Variants in SPEN observed in about 807,000 individuals in gnomAD.
The protein encoded by SPEN is spen family transcriptional repressor, also known as msx2-interacting protein.
Under a neutral mutation model 269.9 loss-of-function variants are expected in SPEN, and 18 were observed. That is an observed-to-expected ratio of 0.07 (90% confidence interval 0.05 to 0.10). SPEN has a LOEUF of 0.10. SPEN is among the 10% of genes least tolerant of loss of function. The pLI is 1.00. For synonymous variants in SPEN, 1,726 were observed against 1,765.7 expected (o/e 0.98, Z 0.56); for missense variants, 3,822 against 4,631.2 (o/e 0.83, Z 5.07).
intron 5 of SPEN, among the ~76,000 whole-genome samples, chr1:15,912,119 G>T (rs531204808): frequency 1.3e-5 from 2 of 152,322 alleles, no homozygotes; most frequent in African/African-American, 4.8e-5. Context: ...CCTTATGGGT[G>T]CAACCCACTG....
intron 1 of SPEN, among the ~76,000 whole-genome samples, chr1:15,859,609 T>A (rs1483903888): frequency 6.6e-6 from 1 of 151,946 alleles, no homozygotes; most frequent in Non-Finnish European, 1.5e-5. Context: ...GACCTTGTGA[T>A]CCGCCCGCCT....
intron 1 of SPEN, among the ~76,000 whole-genome samples, chr1:15,871,476 G>T (rs2070574489): frequency 6.6e-6 from 1 of 151,956 alleles, no homozygotes; most frequent in Non-Finnish European, 1.5e-5. Flanking sequence ...AAGTAGCTGG[G>T]ATTACAGATG....
intron 1 of SPEN, among the ~76,000 whole-genome samples, chr1:15,861,372 C>T (rs1187904458): frequency 6.6e-6 from 1 of 152,038 alleles, no homozygotes; most frequent in African/African-American, 2.4e-5. Context: ...CCTCATGATC[C>T]ACCTACCTCG....
rs941122768 is a variant in SPEN, at chr1:15,939,019, A to G, written c.10863+143A>G. 1.2e-5 allele frequency: 14 copies of G among 1,146,432 alleles called. No individual in the cohort carries two copies. In the African/African-American group the frequency reaches 2.2e-4, roughly 18 times the overall value. 71.0% of individuals were successfully genotyped at this position (1,146,432 alleles called of 1,614,324 possible). On this transcript the variant is annotated intron_variant, in intron 14 of 14. Coordinates refer to ENST00000375759, the MANE Select transcript of SPEN (RefSeq NM_015001.3). This position sits in a 1 kb window ranked among gnomAD's most constrained non-coding sequence, Gnocchi z 4.1. ...TTTTGGACAGAAGTCAGTAGAGCAC[A>G]TGGGGCGGGGCGCCATCACCCATCC... is the stretch of plus-strand genomic sequence containing the variant.
rs746661154 is a variant in SPEN at position 15,876,282 on chromosome 1, C to G, written c.485C>G (p.Thr162Arg). The G allele has an allele frequency of 6.2e-7, 1 of 1,613,952 alleles. No individual in the cohort carries two copies. Among genetic ancestry groups the G allele is most frequent in the South Asian group, 1.1e-5 (1 of 91,074 alleles). The part of the protein sequence containing the change: ...HERGTGGFDR[T>R]RHYDQDYYRD... ...CGGGGGACGGGAGGATTTGATCGGACAAGACATTACGATCAGGATTACTAT... is the reference window on the plus strand; with the variant it reads ...CGGGGGACGGGAGGATTTGATCGGAGAAGACATTACGATCAGGATTACTAT... Residue 162 changes from threonine to arginine, a missense_variant, in exon 3 of 15, where the codon ACA becomes AGA. Around this residue, in one of 16 missense-constraint regions of SPEN, gnomAD observed 327 missense variants for 350.8 expected, o/e 0.93. Coordinates refer to ENST00000375759, the MANE Select transcript of SPEN (RefSeq NM_015001.3).
chr1:15,909,052 GAA>G (rs199942136), intron 3 of SPEN, among the ~76,000 whole-genome samples: 1 of 147,878 alleles, frequency 6.8e-6, no homozygotes, highest in Non-Finnish European at 1.5e-5. Context: ...TACTTCATTT[GAA>G]AAAAAAAAGT....
intron 3 of SPEN, among the ~76,000 whole-genome samples, chr1:15,880,519 A>G (rs1417741455): frequency 2.2e-5 from 3 of 139,060 alleles, no homozygotes; most frequent in African/African-American, 8.3e-5. Context: ...GCGGTGGCGC[A>G]ATCTTGGCTC....
intron 9 of SPEN, among the ~76,000 whole-genome samples, chr1:15,921,593 T>C (rs1166771110): frequency 1.3e-5 from 2 of 152,218 alleles, no homozygotes; most frequent in Non-Finnish European, 2.9e-5. Flanking sequence ...ACCACAGTTA[T>C]GGGTATCTGA....
chr1:15,853,737 C>T (rs2070358830), intron 1 of SPEN, among the ~76,000 whole-genome samples: 2 of 151,824 alleles, frequency 1.3e-5, no homozygotes, highest in African/African-American at 2.4e-5. Flanking sequence ...GGCATGGTCT[C>T]AGCTCACTGC....
At chr1:15,859,146 T>TTG (rs559229833) in intron 1 of SPEN, among the ~76,000 whole-genome samples, 5 of 149,626 alleles carry the variant, frequency 3.3e-5, no homozygotes, top group Non-Finnish European at 5.9e-5. Flanking sequence ...TTTAGTTTTT[T>TTG]TTTTTTTTTT....
At position 15,939,162 on chromosome 1, in the gene SPEN, T is replaced by G; in HGVS notation, c.10864-134T>G. On this transcript the variant is annotated intron_variant, in intron 14 of 14. Coordinates refer to ENST00000375759, the MANE Select transcript of SPEN (RefSeq NM_015001.3). The surrounding 1 kb of genome is among the most constrained non-coding windows in gnomAD (Gnocchi z 4.1). ...CTGCTAGGTCTTCCAGTAGACATAGTCCTGGCACATTTGCTGGTTGGGGAC... is the reference window on the plus strand; with the variant it reads ...CTGCTAGGTCTTCCAGTAGACATAGGCCTGGCACATTTGCTGGTTGGGGAC... The G allele has an allele frequency of 1.6e-6, 2 of 1,263,304 alleles. No individual in the cohort carries two copies. Among genetic ancestry groups the G allele is most frequent in the Non-Finnish European group, 2.2e-6 (2 of 923,096 alleles). 78.3% of individuals were successfully genotyped at this position (1,263,304 alleles called of 1,614,324 possible). A position where few individuals can be genotyped will look rare whatever the true frequency, so the allele number is the denominator to read the frequency against.
Position 15,935,374 on chromosome 1 carries a change from C to T in SPEN, c.9134C>T (p.Thr3045Ile). The change falls in exon 11 of 15, where the codon ACT becomes ATT. Residue 3045 changes from threonine (T) to isoleucine (I), a missense_variant. Physicochemically the swap from Thr to Ile is moderately conservative, Grantham distance 89. This residue lies in a region of SPEN where 153 missense variants were observed against 228.5 expected (regional missense o/e 0.67). Coordinates refer to ENST00000375759, the MANE Select transcript of SPEN (RefSeq NM_015001.3). The surrounding 1 kb of genome is among the most constrained non-coding windows in gnomAD (Gnocchi z 7.7). ...SFPRASHPSS[T>I]ASTALSTNAT... ...CCAAGGGCAAGCCACCCCAGCAGTACTGCATCTACGGCGCTCTCCACCAAC... is the reference window on the plus strand; with the variant it reads ...CCAAGGGCAAGCCACCCCAGCAGTATTGCATCTACGGCGCTCTCCACCAAC... 1 of 1,614,146 alleles carries T rather than the reference C, an allele frequency of 6.2e-7. No individual in the cohort carries two copies. The highest frequency in any genetic ancestry group is 8.5e-7 in the Non-Finnish European group (1 of 1,180,006).
Position 15,938,889 on chromosome 1 carries a change from G to A in SPEN, c.10863+13G>A, listed in dbSNP as rs2071307110. 2 of 1,611,346 alleles carry A rather than the reference G, an allele frequency of 1.2e-6. No individual in the cohort carries two copies. The highest frequency in any genetic ancestry group is 1.7e-6 in the Non-Finnish European group (2 of 1,178,738). ...TGGCTCCAATCAGGTCGGTTGTCCT[G>A]TGTCCTTCCTTCACATGTACACCCA... On this transcript the variant is annotated intron_variant, in intron 14 of 14. Transcript: ENST00000375759.
rs528915018 is a variant in SPEN at position 15,864,606 on chromosome 1, G to C, written c.84-8210G>C. On this transcript the variant is annotated intron_variant, in intron 1 of 14. Coordinates refer to ENST00000375759, the MANE Select transcript of SPEN (RefSeq NM_015001.3). The stretch of plus-strand genomic sequence containing the variant: ...CTAGGTGTGTGAACTTAGGTTTGTG[G>C]GTTTTTTTTTTTTTTTTTTTTTGAG... Among the ~76,000 whole-genome samples the C allele has an allele frequency of 1.1e-3, 149 of 129,906 alleles. 1 individual carries two copies. The highest frequency in any genetic ancestry group is 2.5e-3 in the African/African-American group (80 of 32,570). The allele number at this position is 129,906 out of a possible 152,430, so 85.2% of individuals were successfully genotyped here. A position where few individuals can be genotyped will look rare whatever the true frequency, so the allele number is the denominator to read the frequency against.
Position 15,931,590 on chromosome 1 carries a change from G to C in SPEN, c.5350G>C (p.Glu1784Gln). 6.2e-7 allele frequency: 1 copy of C among 1,614,158 alleles called. No individual in the cohort carries two copies. Among genetic ancestry groups the C allele is most frequent in the South Asian group, 1.1e-5 (1 of 91,082 alleles). Residue 1784 changes from glutamate (E) to glutamine (Q), a missense_variant, in exon 11 of 15, where the codon GAG becomes CAG. By Grantham distance (29) the Glu-to-Gln change is conservative. This residue lies in a region of SPEN where 533 missense variants were observed against 618.8 expected (regional missense o/e 0.86). Coordinates refer to ENST00000375759, the MANE Select transcript of SPEN (RefSeq NM_015001.3). The surrounding 1 kb of genome is among the most constrained non-coding windows in gnomAD (Gnocchi z 4.8). ...AAAGCCAGACGCCACTGCAGATGCT[G>C]AGCCTGATGCAAACCAGAAAGCCGA... is the stretch of plus-strand genomic sequence containing the variant. ...AEKPDATADA[E>Q]PDANQKAEAA... is the part of the protein sequence containing the mutation.
Position 15,935,253 on chromosome 1 carries a change from C to T in SPEN, c.9013C>T (p.Pro3005Ser), listed in dbSNP as rs1302564308. ...AGAAGTCAACCATGTCCCCTCGGGG[C>T]CCAGCATCCCAGCAGATCGAACTGT... is the stretch of plus-strand genomic sequence containing the variant. Reference protein sequence around the residue: ...PTEVNHVPSGPSIPADRTVSH... With the variant: ...PTEVNHVPSGSSIPADRTVSH... Residue 3005 changes from proline to serine, a missense_variant, in exon 11 of 15, where the codon CCC (proline) becomes TCC (serine). Pro to Ser is a moderately conservative substitution (Grantham distance 74). This residue lies in a region of SPEN where 94 missense variants were observed against 90.4 expected (regional missense o/e 1.04). Coordinates refer to ENST00000375759, the MANE Select transcript of SPEN (RefSeq NM_015001.3). The surrounding 1 kb of genome is among the most constrained non-coding windows in gnomAD (Gnocchi z 7.7). The T allele has an allele frequency of 6.2e-7, 1 of 1,614,180 alleles. No individual in the cohort carries two copies. The highest frequency in any genetic ancestry group is 8.5e-7 in the Non-Finnish European group (1 of 1,180,036).
At chr1:15,908,612 G>A (rs751102179) in intron 3 of SPEN, among the ~76,000 whole-genome samples, 10 of 151,996 alleles carry the variant, frequency 6.6e-5, no homozygotes, top group Non-Finnish European at 1.2e-4. Context: ...TAGTAGAGAC[G>A]GGTTTTCACC....
rs771003971 is a variant in SPEN at position 15,930,872 on chromosome 1, G to A, written c.4632G>A (p.Gln1544=). The A allele has an allele frequency of 3.7e-6, 6 of 1,613,980 alleles. No individual in the cohort carries two copies. Among genetic ancestry groups the A allele is most frequent in the Non-Finnish European group, 3.4e-6 (4 of 1,180,044 alleles). Reference sequence around the variant, plus strand: ...TTGAACAAGATTCCAAGCGATTGCAGCATCTAGAGAGAAAAGAGGAAGATT... The same window carrying A: ...TTGAACAAGATTCCAAGCGATTGCAACATCTAGAGAGAAAAGAGGAAGATT... ...SIFEQDSKRL[Q]HLERKEEDSD... Residue 1544 remains glutamine (Q), a synonymous_variant, in exon 11 of 15, where the codon CAG becomes CAA. Coordinates refer to ENST00000375759, the MANE Select transcript of SPEN (RefSeq NM_015001.3). The surrounding 1 kb of genome is among the most constrained non-coding windows in gnomAD (Gnocchi z 5.3).
rs528285064 is a variant in SPEN at position 15,891,794 on chromosome 1, A to G, written c.881+15116A>G. On this transcript the variant is annotated intron_variant, in intron 3 of 14. Coordinates refer to ENST00000375759, the MANE Select transcript of SPEN (RefSeq NM_015001.3). ...CATGAGCCGCTGTACCTGGGCTAAT[A>G]TAAAAACCATTAAGAAAAACTAATG... 1.9e-4 allele frequency among the ~76,000 whole-genome samples: 29 copies of G among 152,000 alleles called. No homozygotes were observed. In the East Asian group the frequency reaches 5.2e-3, roughly 27 times the overall value.
Sources: gnomAD v4.1 joint callset for allele counts (sites outside exome capture counted in the v4.1 genomes callset) on GRCh38, gnomAD v4.1.1 for gene constraint, gnomAD v4.1.1 regional missense constraint, Gnocchi (gnomAD v3.1) non-coding constraint, MANE v1.5 for transcripts, NCBI Gene and HGNC (gene_info 2026-07-23, HGNC 2026-07-21) for gene names.